The following SLC25A48 variants were observed in gnomAD, a reference collection of about 807,000 sequenced individuals.
SLC25A48 encodes the protein solute carrier family 25 member 48.
SLC25A48 carries 29 observed loss-of-function variants against 32.2 expected under a neutral mutation model. The observed-to-expected ratio is 0.90, with a 90% CI of 0.67 to 1.23. The LOEUF is 1.23. Among genes scored for constraint, SLC25A48 ranks in the 50% most tolerant of loss-of-function variants. The probability of loss-of-function intolerance (pLI) is 0.00; values close to 1 mark genes in which losing one functional copy is unlikely to be tolerated. For missense variants in SLC25A48, 399 were observed against 422.7 expected (o/e 0.94, Z 0.49); for synonymous variants, 164 against 172.3 (o/e 0.95, Z 0.38).
intron 3 of SLC25A48, among the ~76,000 whole-genome samples, chr5:135,788,197 C>T (rs138952466): frequency 2.0e-5 from 3 of 149,024 alleles, no homozygotes; most frequent in East Asian, 2.0e-4. Context: ...TCCCTTGTAG[C>T]GGGGGTCGTA....
chr5:135,622,028 C>A (rs565789429), intron 1 of SLC25A48, among the ~76,000 whole-genome samples: 1 of 151,996 alleles, frequency 6.6e-6, no homozygotes, highest in Non-Finnish European at 1.5e-5. Flanking sequence ...GGGCAAAGGA[C>A]ATAAATAACC....
chr5:135,674,188 A>G (rs1219441995), intron 3 of SLC25A48, among the ~76,000 whole-genome samples: 2 of 152,054 alleles, frequency 1.3e-5, no homozygotes, highest in South Asian at 4.1e-4. Context: ...TACATGTGAT[A>G]TTGTGTTACG....
At chr5:135,780,137 T>C (rs1756683578) in intron 3 of SLC25A48, among the ~76,000 whole-genome samples, 1 of 106,140 alleles carries the variant, frequency 9.4e-6, no homozygotes, top group African/African-American at 2.7e-5. Flanking sequence ...GTGTAAACCG[T>C]GCCTGTGTTA....
intron 3 of SLC25A48, among the ~76,000 whole-genome samples, chr5:135,735,374 G>C (rs1243269726): frequency 2.6e-5 from 4 of 152,188 alleles, no homozygotes; most frequent in Admixed American, 2.6e-4. Flanking sequence ...AGCTGACTGG[G>C]TGATAAAATG....
At chr5:135,776,110 A>G (rs944266777) in intron 3 of SLC25A48, among the ~76,000 whole-genome samples, 1 of 151,886 alleles carries the variant, frequency 6.6e-6, no homozygotes, top group Non-Finnish European at 1.5e-5. Flanking sequence ...TATTGTTCCT[A>G]ATTCCAGGAA....
chr5:135,850,292 TG>T, intron 2 of SLC25A48, 132 bp from the exon 3 acceptor site: 1 of 793,902 alleles, frequency 1.3e-6, no homozygotes, highest in African/African-American at 1.7e-5. Context: ...GGCACCAGCC[TG>T]GCCAGGACTG....
Position 135,692,716 on chromosome 5 carries a change from A to G in SLC25A48, c.-521+57760A>G, listed in dbSNP as rs2126959426. Among the ~76,000 whole-genome samples, 2 of 152,300 alleles carry G rather than the reference A, an allele frequency of 1.3e-5. 1 individual carries two copies. The highest frequency in any genetic ancestry group is 6.8e-3 in the Middle Eastern group (2 of 294). ...CTCTTTGGAAAAAGTTACATAGCAGAGTATCTCACTCCAAATTTACATGCA... is the reference window on the plus strand; with the variant it reads ...CTCTTTGGAAAAAGTTACATAGCAGGGTATCTCACTCCAAATTTACATGCA... On this transcript the variant is annotated intron_variant, in intron 3 of 10. Coordinates refer to the SLC25A48 transcript ENST00000646290.
At position 135,840,343 on chromosome 5, in the gene SLC25A48, GAAGTT is replaced by G. The variant is rs368234258; in HGVS notation, c.47-2068_47-2064del. 6.8e-4 allele frequency among the ~76,000 whole-genome samples: 103 copies of G among 152,338 alleles called. No homozygotes were observed. In the Middle Eastern group the frequency reaches 0.014, roughly 20 times the overall value. On this transcript the variant is annotated intron_variant, in intron 1 of 7. Coordinates refer to ENST00000681962, the MANE Select transcript of SLC25A48 (RefSeq NM_001349336.2). ...ATGCATGCTAAAAGTGAGACATAGA[GAAGTT>G]AAGTAACCTGCAGGTAACTGAAAAG...
At chr5:135,640,572 G>A (rs745929762) in intron 3 of SLC25A48, among the ~76,000 whole-genome samples, 12 of 151,932 alleles carry the variant, frequency 7.9e-5, no homozygotes, top group Non-Finnish European at 1.8e-4. Flanking sequence ...TCTGAACACA[G>A]ACAAACATAA....
intron 3 of SLC25A48, among the ~76,000 whole-genome samples, chr5:135,656,228 T>C (rs1753243630): frequency 6.6e-6 from 1 of 152,222 alleles, no homozygotes; most frequent in Non-Finnish European, 1.5e-5. Flanking sequence ...AATCCCCCGC[T>C]ATCCTGGGTT....
chr5:135,590,431 C>G (rs1751493885), intron 1 of SLC25A48, among the ~76,000 whole-genome samples: 1 of 152,356 alleles, frequency 6.6e-6, no homozygotes, highest in South Asian at 2.1e-4. Flanking sequence ...CTGCATGGTC[C>G]CTGAGTGCCT....
intron 2 of SLC25A48, among the ~76,000 whole-genome samples, chr5:135,632,368 G>C (rs1304651006): frequency 6.6e-6 from 1 of 152,202 alleles, no homozygotes; most frequent in African/African-American, 2.4e-5. Flanking sequence ...TGTTTACCCA[G>C]GTGGGAGAAG....
In SLC25A48 at chr5:135,650,537, G is replaced by T. The variant is rs56283307; in HGVS notation, c.-521+15581G>T. 5,527 of 402,816 alleles carry T rather than the reference G, an allele frequency of 0.014. 61 individuals carry two copies. The highest frequency in any genetic ancestry group is 0.02 in the Non-Finnish European group (4,144 of 207,162). 25.0% of individuals were successfully genotyped at this position (402,816 alleles called of 1,614,324 possible). On this transcript the variant is annotated intron_variant, in intron 3 of 10. Transcript: ENST00000646290. ...CAAGGGATGACCCTGAACAAAAAGT[G>T]CAGTCACTGATGGAGTGGAACTAAA...
At position 135,629,867 on chromosome 5, in the gene SLC25A48, C is replaced by G. The variant is rs1244874178; in HGVS notation, c.-709+491C>G. Reference sequence around the variant, plus strand: ...GAGAAAACCCTAGGGCAGAAACTATCAAGAACTTGCCGAAAGTAGTTGGAA... The same window carrying G: ...GAGAAAACCCTAGGGCAGAAACTATGAAGAACTTGCCGAAAGTAGTTGGAA... On this transcript the variant is annotated intron_variant, in intron 2 of 10. Coordinates refer to the SLC25A48 transcript ENST00000646290. This position sits in a 1 kb window ranked among gnomAD's most constrained non-coding sequence, Gnocchi z 4.8. 6.6e-6 allele frequency among the ~76,000 whole-genome samples: 1 copy of G among 152,188 alleles called. No homozygotes were observed. The highest frequency in any genetic ancestry group is 6.5e-5 in the Admixed American group (1 of 15,284).
At chr5:135,638,248 G>T (rs765248711) in intron 3 of SLC25A48, among the ~76,000 whole-genome samples, 3 of 152,184 alleles carry the variant, frequency 2.0e-5, no homozygotes, top group African/African-American at 4.8e-5. Flanking sequence ...ATGTAAAACT[G>T]ATATTAGTGA....
At chr5:135,738,619 T>C (rs999187554) in intron 3 of SLC25A48, among the ~76,000 whole-genome samples, 2 of 152,212 alleles carry the variant, frequency 1.3e-5, no homozygotes, top group Admixed American at 1.3e-4. Flanking sequence ...CTCTAAGCCT[T>C]GGCTGTCTGG....
At chr5:135,697,864 C>T (rs1184873099) in intron 3 of SLC25A48, among the ~76,000 whole-genome samples, 1 of 152,158 alleles carries the variant, frequency 6.6e-6, no homozygotes, top group South Asian at 2.1e-4. Flanking sequence ...GGGCTGCAGG[C>T]ATTTGTTCCC....
At chr5:135,731,074 A>G (rs1225111969) in intron 3 of SLC25A48, among the ~76,000 whole-genome samples, 1 of 152,180 alleles carries the variant, frequency 6.6e-6, no homozygotes, top group Admixed American at 6.5e-5. Flanking sequence ...ACCTGGGTGC[A>G]GGTGGGCTGA....
At chr5:135,650,287 T>C (rs535650328) in intron 3 of SLC25A48, 14 of 387,732 alleles carry the variant, frequency 3.6e-5, no homozygotes, top group South Asian at 2.5e-4. Context: ...AAAGTTTGGT[T>C]TCTCCTTTCT....
Sources: allele counts gnomAD v4.1 joint callset (sites outside exome capture counted in the v4.1 genomes callset), GRCh38; gene constraint gnomAD v4.1.1; non-coding constraint Gnocchi (gnomAD v3.1); transcripts MANE v1.5; gene names NCBI Gene and HGNC (gene_info 2026-07-23, HGNC 2026-07-21).